SAFB2: variants seen among roughly 807,000 people sequenced by gnomAD.
SAFB2 encodes scaffold attachment factor B2.
In SAFB2, 32 loss-of-function variants were observed where a neutral mutation model predicts 100.6. That is an observed-to-expected ratio of 0.32 (90% CI 0.24 to 0.43). SAFB2 has a LOEUF of 0.43. SAFB2 is among the 20% of genes least tolerant of loss of function. The pLI is 1.00. For missense variants in SAFB2, 1,185 were observed against 1,163.4 expected, an observed-to-expected ratio of 1.02 and a Z score of -0.27; for synonymous variants, 500 against 439.4, an observed-to-expected ratio of 1.14 and a Z score of -1.72.
intron 1 of SAFB2, 46 bp from the exon 2 acceptor site, chr19:5,621,442 G>A: frequency 2.5e-6 from 3 of 1,191,734 alleles, no homozygotes; most frequent in Non-Finnish European, 2.5e-6. Context: ...GAGCTGCAGG[G>A]CACACACTGT....
At chr19:5,601,315 A>C (rs960053096) in intron 11 of SAFB2, among the ~76,000 whole-genome samples, 2 of 152,184 alleles carry the variant, frequency 1.3e-5, no homozygotes, top group Non-Finnish European at 2.9e-5. Flanking sequence ...GCCTGACCGC[A>C]GTAATCTACA....
At chr19:5,621,542 A>G in intron 1 of SAFB2, 146 bp from the exon 2 acceptor site, 1 of 674,038 alleles carries the variant, frequency 1.5e-6, no homozygotes, top group Non-Finnish European at 2.7e-6. Flanking sequence ...CGCAAGCCCA[A>G]AAGGCGGAGG....
In SAFB2 at chr19:5,591,760, G is replaced by T; in HGVS notation, c.2382C>A (p.His794Gln). The T allele has an allele frequency of 6.2e-7, 1 of 1,613,984 alleles. No homozygotes were observed. The highest frequency in any genetic ancestry group is 8.5e-7 in the Non-Finnish European group (1 of 1,179,956). The stretch of plus-strand genomic sequence containing the variant: ...GGGCTCTACTCACCTGCCCATCCCG[G>T]TGGTCTCCCATCATTGGCCTCGAAC... ...REGSRPMMGD[H>Q]RDGQHYGDDR... is the part of the protein sequence containing the mutation. Residue 794 changes from histidine (H) to glutamine (Q), a missense_variant, in exon 17 of 21, where the codon CAC becomes CAA. Physicochemically the swap from His to Gln is conservative, Grantham distance 24 (BLOSUM62 0). Around this residue, in one of 3 missense-constraint regions of SAFB2, gnomAD observed 740 missense variants for 687.1 expected, o/e 1.08. Coordinates refer to ENST00000252542, the MANE Select transcript of SAFB2 (RefSeq NM_014649.3).
intron 2 of SAFB2, among the ~76,000 whole-genome samples, chr19:5,619,154 G>C (rs1339946800): frequency 2.0e-5 from 3 of 152,128 alleles, no homozygotes; most frequent in Non-Finnish European, 4.4e-5. Flanking sequence ...GTAATCACAG[G>C]CCCTAACTGC....
At chr19:5,589,797 C>G (rs1351889726) in intron 18 of SAFB2, among the ~76,000 whole-genome samples, 1 of 152,160 alleles carries the variant, frequency 6.6e-6, no homozygotes, top group African/African-American at 2.4e-5. Flanking sequence ...GCCCTGAGTC[C>G]TGGGTGGAGG....
chr19:5,598,562 G>A (rs183957180), intron 13 of SAFB2: 8 of 552,354 alleles, frequency 1.4e-5, no homozygotes, highest in African/African-American at 5.7e-5. Flanking sequence ...GTCTGAAGGC[G>A]GCACATCCCG....
Position 5,589,442 on chromosome 19 carries a change from G to A in SAFB2, c.2525+836C>T, listed in dbSNP as rs560022730. ...CTCAGCGCGGAGGGAGGGATGGAAC[G>A]GGGGAGCACAGGGGGCCAAAACCCA... On this transcript the variant is annotated intron_variant, in intron 18 of 20. Transcript: ENST00000252542. 7.7e-4 allele frequency among the ~76,000 whole-genome samples: 117 copies of A among 152,100 alleles called. 1 individual carries two copies. Among genetic ancestry groups the A allele is most frequent in the African/African-American group, 2.5e-3 (103 of 41,528 alleles).
Position 5,590,383 on chromosome 19 carries a change from T to C in SAFB2, c.2420A>G (p.His807Arg). 2 of 1,611,414 alleles carry C rather than the reference T, an allele frequency of 1.2e-6. No individual in the cohort carries two copies. The highest frequency in any genetic ancestry group is 1.7e-6 in the Non-Finnish European group (2 of 1,179,088). The stretch of plus-strand genomic sequence containing the variant: ...GCCGTGGCGCTCTGGGGGTCCTCCG[T>C]GGCCATGGCGGTCATCTCCATAGTG... The part of the protein sequence containing the change: ...GQHYGDDRHG[H>R]GGPPERHGRD... The change falls in exon 18 of 21, where the codon CAC becomes CGC. Residue 807 changes from histidine (H) to arginine (R), a missense_variant. By Grantham distance (29) the His-to-Arg change is conservative. This residue lies in a region of SAFB2 where 740 missense variants were observed against 687.1 expected (regional missense o/e 1.08). Transcript: ENST00000252542.
At chr19:5,614,630 A>G (rs1469560767) in intron 4 of SAFB2, among the ~76,000 whole-genome samples, 3 of 152,218 alleles carry the variant, frequency 2.0e-5, no homozygotes, top group African/African-American at 7.2e-5. Context: ...CCCAAGCTGA[A>G]AGCTGCAATG....
chr19:5,607,136 C>T (rs1315148703), intron 9 of SAFB2, among the ~76,000 whole-genome samples: 1 of 152,194 alleles, frequency 6.6e-6, no homozygotes, highest in African/African-American at 2.4e-5. Context: ...TGGCGGGCAC[C>T]TGTAGTTCCA....
intron 2 of SAFB2, among the ~76,000 whole-genome samples, chr19:5,619,553 T>C (rs992412631): frequency 4.6e-5 from 7 of 152,210 alleles, no homozygotes; most frequent in Non-Finnish European, 8.8e-5. Context: ...AAATGATCCC[T>C]GCTAGGCCGG....
intron 15 of SAFB2, 135 bp from the exon 16 acceptor site, chr19:5,593,022 T>A: frequency 1.3e-6 from 1 of 757,882 alleles, no homozygotes; most frequent in Non-Finnish European, 2.1e-6. Context: ...AGGGCTAATC[T>A]CTAAACATTC....
rs1048939686 is a variant in SAFB2 at position 5,611,145 on chromosome 19, T to C, written c.1120A>G (p.Ser374Gly). ...VPPAPKESST[S>G]EGADQKMSSF... is the part of the protein sequence containing the mutation. Reference sequence around the variant, plus strand: ...CTCATTTTCTGATCAGCGCCCTCACTGGTTGAGGACTCTTTAGGAGCCGGA... The same window carrying C: ...CTCATTTTCTGATCAGCGCCCTCACCGGTTGAGGACTCTTTAGGAGCCGGA... The change falls in exon 7 of 21, where the codon AGT becomes GGT. Residue 374 changes from serine (S) to glycine (G), a missense_variant. Physicochemically the swap from Ser to Gly is moderately conservative, Grantham distance 56 (BLOSUM62 0). This residue lies in a region of SAFB2 where 351 missense variants were observed against 341.2 expected (regional missense o/e 1.03). Coordinates refer to ENST00000252542, the MANE Select transcript of SAFB2 (RefSeq NM_014649.3). The C allele has an allele frequency of 2.1e-6, 1 of 473,014 alleles. No homozygotes were observed. Among genetic ancestry groups the C allele is most frequent in the African/African-American group, 3.0e-5 (1 of 33,682 alleles). 29.3% of individuals were successfully genotyped at this position (473,014 alleles called of 1,614,324 possible). A position where few individuals can be genotyped will look rare whatever the true frequency, so the allele number is the denominator to read the frequency against.
chr19:5,603,652 C>T (rs2052710551), intron 11 of SAFB2, among the ~76,000 whole-genome samples: 1 of 151,614 alleles, frequency 6.6e-6, no homozygotes, highest in South Asian at 2.1e-4. Flanking sequence ...CAAGGTGCCA[C>T]CGTGAACTCA....
At chr19:5,604,994 G>A in intron 9 of SAFB2, 58 bp from the exon 10 acceptor site, 1 of 1,569,412 alleles carries the variant, frequency 6.4e-7, no homozygotes, top group Admixed American at 1.7e-5. Context: ...ACTTGCTAAA[G>A]TTATTACCTG....
At position 5,594,166 on chromosome 19, in the gene SAFB2, C is replaced by G; in HGVS notation, c.1932G>C (p.Gln644His). ...RETERRRERE[Q>H]REREQRLEAF... ...CCTCGAGGCGTTGCTCCCGCTCCCG[C>G]TGCTCGCGCTCCCTGCGGGGACAGG... Residue 644 changes from glutamine (Q) to histidine (H), a missense_variant, in exon 15 of 21, where the codon CAG (glutamine) becomes CAC (histidine). Gln to His is a conservative substitution (Grantham distance 24, BLOSUM62 0). Coordinates refer to ENST00000252542, the MANE Select transcript of SAFB2 (RefSeq NM_014649.3). 1 of 1,595,866 alleles carries G rather than the reference C, an allele frequency of 6.3e-7. No homozygotes were observed. The highest frequency in any genetic ancestry group is 8.5e-7 in the Non-Finnish European group (1 of 1,176,962).
Position 5,600,246 on chromosome 19 carries a change from T to C in SAFB2, c.1574A>G (p.Lys525Arg), listed in dbSNP as rs1252239354. 3 of 1,612,798 alleles carry C rather than the reference T, an allele frequency of 1.9e-6. No homozygotes were observed. Among genetic ancestry groups the C allele is most frequent in the Non-Finnish European group, 2.5e-6 (3 of 1,179,498 alleles). ...CTCCTTCTTCTCAATCTTCTCTTCC[T>C]TCTTAATTACAGTTCTATTTAAAGA... ...EIKIEKTVIKKEEKIEKKEEK... is the reference protein window; with the variant it reads ...EIKIEKTVIKREEKIEKKEEK... The change falls in exon 12 of 21, where the codon AAG (lysine) becomes AGG (arginine). Residue 525 changes from lysine (K) to arginine (R), a missense_variant. Lys to Arg is a conservative substitution (Grantham distance 26). Around this residue, in one of 3 missense-constraint regions of SAFB2, gnomAD observed 740 missense variants for 687.1 expected, o/e 1.08. Coordinates refer to ENST00000252542, the MANE Select transcript of SAFB2 (RefSeq NM_014649.3).
intron 6 of SAFB2, 137 bp from the exon 7 acceptor site, chr19:5,611,767 G>A: frequency 1.9e-6 from 1 of 539,806 alleles, no homozygotes; most frequent in Non-Finnish European, 3.4e-6. Context: ...AAAACCCGCG[G>A]GTACACAAAG....
intron 17 of SAFB2, chr19:5,591,472 G>T (rs2052402448): frequency 3.0e-6 from 1 of 329,196 alleles, no homozygotes; most frequent in Non-Finnish European, 5.7e-6. Context: ...TAGAGACAGG[G>T]TTTCACCATG....
Sources: gnomAD v4.1 joint callset for allele counts (sites outside exome capture counted in the v4.1 genomes callset) on GRCh38, gnomAD v4.1.1 for gene constraint, gnomAD v4.1.1 regional missense constraint, MANE v1.5 for transcripts, NCBI Gene and HGNC (gene_info 2026-07-23, HGNC 2026-07-21) for gene names.